The following NEBL variants were observed in gnomAD, a reference collection of about 807,000 sequenced individuals.
NEBL encodes LIM and SH3 protein 2.
NEBL carries 122 observed loss-of-function variants against 140.2 expected under a neutral mutation model. The ratio of observed to expected loss-of-function variants is 0.87; its 90% CI spans 0.75 to 1.01. The LOEUF is 1.01. Among genes scored for constraint, NEBL ranks in the 50% least tolerant of loss-of-function variants. The probability of loss-of-function intolerance (pLI) is 0.00; values close to 1 mark genes in which losing one functional copy is unlikely to be tolerated. For missense variants in NEBL, 1,365 were observed against 1,231.3 expected, an observed-to-expected ratio of 1.11 and a Z score of -1.62; for synonymous variants, 436 against 398.9, an observed-to-expected ratio of 1.09 and a Z score of -1.11.
chr10:20,975,672 T>C (rs1836764226), intron 3 of NEBL, among the ~76,000 whole-genome samples: 1 of 152,202 alleles, frequency 6.6e-6, no homozygotes. Flanking sequence ...TACATAACTT[T>C]ACAAAACAAG....
At chr10:20,872,988 C>T (rs1845120228) in intron 5 of NEBL, among the ~76,000 whole-genome samples, 1 of 152,156 alleles carries the variant, frequency 6.6e-6, no homozygotes, top group South Asian at 2.1e-4. Context: ...AGTGAACTTG[C>T]TTTCACTTTA....
At chr10:21,070,147 G>C (rs1202648450) in intron 2 of NEBL, 1 of 366,532 alleles carries the variant, frequency 2.7e-6, no homozygotes, top group Non-Finnish European at 5.5e-6. Context: ...ACTTGAGTTG[G>C]AATTTGGCCA....
intron 3 of NEBL, among the ~76,000 whole-genome samples, chr10:21,203,705 A>G (rs1306697009): frequency 2.6e-5 from 4 of 152,212 alleles, no homozygotes; most frequent in African/African-American, 9.7e-5. Context: ...ATAAAAATAC[A>G]CAGATGGCCC....
intron 3 of NEBL, among the ~76,000 whole-genome samples, chr10:21,219,242 A>C (rs1474917252): frequency 6.6e-6 from 1 of 152,236 alleles, no homozygotes; most frequent in Admixed American, 6.5e-5. Context: ...ATTATAAGTA[A>C]TAAATGAAAT....
intron 3 of NEBL, among the ~76,000 whole-genome samples, chr10:21,207,712 CTGGT>C (rs1187830039): frequency 6.6e-6 from 1 of 152,130 alleles, no homozygotes; most frequent in East Asian, 1.9e-4. Context: ...TCCTTACAGA[CTGGT>C]TGCATCTCTC....
Position 20,980,115 on chromosome 10 carries a change from C to T in NEBL, c.250-18336G>A, listed in dbSNP as rs150651116. ...GAGTTTCTGTAGAAATTCCATAGGG[C>T]TTGTATTCAAAGAACTCAATTTAAA... On this transcript the variant is annotated intron_variant, in intron 3 of 6. Coordinates refer to the NEBL transcript ENST00000417816. 2.8e-3 allele frequency among the ~76,000 whole-genome samples: 416 copies of T among 150,528 alleles called. 2 individuals carry two copies. The highest frequency in any genetic ancestry group is 9.4e-3 in the African/African-American group (388 of 41,116).
At chr10:21,082,703 G>C (rs566834688) in intron 2 of NEBL, among the ~76,000 whole-genome samples, 1 of 150,848 alleles carries the variant, frequency 6.6e-6, no homozygotes, top group African/African-American at 2.4e-5. Flanking sequence ...TTATCACAAA[G>C]GACTTGAAAA....
rs182565283 is a variant in NEBL at position 21,203,437 on chromosome 10, G to A, written n.349-30960C>T. Among the ~76,000 whole-genome samples the A allele has an allele frequency of 2.7e-3, 405 of 152,298 alleles. 5 individuals carry two copies. Among genetic ancestry groups the A allele is most frequent in the Non-Finnish European group, 2.5e-3 (173 of 68,022 alleles). ...TCTCCAACTTATGGACTGAAATCCC[G>A]TGGGTGTTTACCCAGGCAGTAGAAT... On this transcript the variant is annotated intron_variant and non_coding_transcript_variant, in intron 3 of 8. Transcript: ENST00000675702.
intron 2 of NEBL, among the ~76,000 whole-genome samples, chr10:21,043,573 C>A (rs1192422017): frequency 6.6e-6 from 1 of 152,190 alleles, no homozygotes; most frequent in African/African-American, 2.4e-5. Context: ...TAAAGGAATT[C>A]TCTTTTTAAC....
Position 20,840,831 on chromosome 10 carries a change from A to C in NEBL, c.1246T>G (p.Leu416Val), listed in dbSNP as rs1473800986. The C allele has an allele frequency of 6.9e-6, 11 of 1,583,088 alleles. No individual in the cohort carries two copies. The East Asian group carries it at 2.5e-4, about 35-fold the overall frequency. Residue 416 changes from leucine to valine, a missense_variant, in exon 13 of 28, where the codon TTG becomes GTG. Around this residue, in one of 2 missense-constraint regions of NEBL, gnomAD observed 1,323 missense variants for 1,154.8 expected, o/e 1.15. Transcript: ENST00000377122. ...CCTTTCCCTTTTATCTCATTTTCCAAATCTTTTTTATATTCTTTCTATGAG... is the reference window on the plus strand; with the variant it reads ...CCTTTCCCTTTTATCTCATTTTCCACATCTTTTTTATATTCTTTCTATGAG... ...LLREKEYKKD[L>V]ENEIKGKGME...
intron 2 of NEBL, among the ~76,000 whole-genome samples, chr10:21,045,131 T>A (rs1274973245): frequency 1.3e-5 from 2 of 152,232 alleles, no homozygotes; most frequent in African/African-American, 4.8e-5. Context: ...ACTGTATCTT[T>A]AAAATTGCTG....
intron 4 of NEBL, among the ~76,000 whole-genome samples, chr10:20,941,992 T>C (rs944779544): frequency 2.0e-4 from 31 of 152,156 alleles, no homozygotes; most frequent in Non-Finnish European, 3.8e-4. Context: ...AGAATCAATA[T>C]TGTGAAAATG....
chr10:21,130,982 T>C (rs1054729600), intron 2 of NEBL, among the ~76,000 whole-genome samples: 2 of 151,558 alleles, frequency 1.3e-5, no homozygotes, highest in African/African-American at 2.4e-5. Context: ...GATAATAAAA[T>C]CAATAAGCCT....
At chr10:21,276,352 C>G (rs1257092426) in intron 1 of NEBL, among the ~76,000 whole-genome samples, 3 of 152,138 alleles carry the variant, frequency 2.0e-5, no homozygotes, top group African/African-American at 7.2e-5. Flanking sequence ...GAGGTTAACC[C>G]ACACCTTGGG....
At chr10:20,949,042 G>A (rs1405388081) in intron 4 of NEBL, among the ~76,000 whole-genome samples, 1 of 152,096 alleles carries the variant, frequency 6.6e-6, no homozygotes, top group East Asian at 1.9e-4. Flanking sequence ...GTTTTTAAAA[G>A]GCAAAATATT....
intron 13 of NEBL, among the ~76,000 whole-genome samples, chr10:20,839,565 G>A (rs1366022628): frequency 6.6e-6 from 1 of 152,078 alleles, no homozygotes; most frequent in Non-Finnish European, 1.5e-5. Context: ...TTCTACTAAA[G>A]TGCCTTTTAA....
At chr10:21,130,137 A>G (rs1839034828) in intron 2 of NEBL, among the ~76,000 whole-genome samples, 1 of 152,160 alleles carries the variant, frequency 6.6e-6, no homozygotes, top group Non-Finnish European at 1.5e-5. Context: ...CAAAACAGGG[A>G]AAGTCATCTG....
rs571001062 is a variant in NEBL, at chr10:21,250,058, G to A, written n.279+1674C>T. ...CAGCCTGGTGACAGAGCAAAACTCC[G>A]TCTCAAAAAAAAAAGAAATCATATT... On this transcript the variant is annotated intron_variant and non_coding_transcript_variant, in intron 2 of 8. Transcript: ENST00000675702. Among the ~76,000 whole-genome samples, 8 of 151,590 alleles carry A rather than the reference G, an allele frequency of 5.3e-5. No homozygotes were observed. In the East Asian group the frequency reaches 9.7e-4, roughly 18 times the overall value.
At chr10:21,103,215 C>CTTT (rs576823735) in intron 2 of NEBL, among the ~76,000 whole-genome samples, 1 of 140,256 alleles carries the variant, frequency 7.1e-6, no homozygotes, top group African/African-American at 2.6e-5. Flanking sequence ...TTTTCAACTC[C>CTTT]TTTTTTTTTT....
Sources: gnomAD v4.1 joint callset for allele counts (sites outside exome capture counted in the v4.1 genomes callset) on GRCh38, gnomAD v4.1.1 for gene constraint, gnomAD v4.1.1 regional missense constraint, MANE v1.5 for transcripts, NCBI Gene and HGNC (gene_info 2026-07-23, HGNC 2026-07-21) for gene names.